RBPJ: variants seen among roughly 807,000 people sequenced by gnomAD.
The protein encoded by RBPJ is recombination signal binding protein for immunoglobulin kappa J region, also known as recombining binding protein suppressor of hairless.
Under a neutral mutation model 67.8 loss-of-function variants are expected in RBPJ, and 9 were observed. That is an observed-to-expected ratio of 0.13 (90% CI 0.08 to 0.23). The LOEUF (loss-of-function observed/expected upper bound fraction) is 0.23. Ranked by LOEUF, RBPJ falls within the 10% of genes least tolerant of loss-of-function variation. RBPJ has a pLI of 1.00. For missense variants in RBPJ, 305 were observed against 595.6 expected, an observed-to-expected ratio of 0.51 and a Z score of 5.08; for synonymous variants, 198 against 203.3, an observed-to-expected ratio of 0.97 and a Z score of 0.22.
At chr4:26,382,247 C>A (rs954395383) in intron 1 of RBPJ, among the ~76,000 whole-genome samples, 21 of 152,268 alleles carry the variant, frequency 1.4e-4, no homozygotes, top group African/African-American at 4.8e-4. Flanking sequence ...GATGGAGAGA[C>A]AGTATAATCA....
At chr4:26,390,916 C>T (rs943856653) in intron 2 of RBPJ, among the ~76,000 whole-genome samples, 6 of 152,086 alleles carry the variant, frequency 3.9e-5, no homozygotes, top group African/African-American at 1.4e-4. Context: ...ATTAGCTGGG[C>T]ATGTTGGCAC....
intron 1 of RBPJ, among the ~76,000 whole-genome samples, chr4:26,168,249 C>T (rs562343361): frequency 6.6e-6 from 1 of 152,158 alleles, no homozygotes; most frequent in South Asian, 2.1e-4. Flanking sequence ...CCTTCAGGAG[C>T]TCTTGTAGGG....
intron 1 of RBPJ, among the ~76,000 whole-genome samples, chr4:26,361,226 A>G (rs1452188692): frequency 6.6e-6 from 1 of 152,134 alleles, no homozygotes; most frequent in African/African-American, 2.4e-5. Context: ...TCTGTTCTTC[A>G]TTAGTTTCTT....
intron 1 of RBPJ, among the ~76,000 whole-genome samples, chr4:26,236,464 T>C (rs1280678901): frequency 6.6e-6 from 1 of 152,202 alleles, no homozygotes; most frequent in Non-Finnish European, 1.5e-5. Context: ...AGCTGGGGTC[T>C]GCATTCATCT....
chr4:26,432,517 G>A lies in RBPJ; in HGVS notation c.*1510G>A, dbSNP rs1302970970. On this transcript the variant is annotated 3_prime_UTR_variant, in exon 11 of 11. Transcript: ENST00000355476. The stretch of plus-strand genomic sequence containing the variant: ...TTGAGATTTGGTTGCATTCAGGGTT[G>A]TAGGTTGGCCTTGCTTGCTAACCCC... 1 of 152,122 alleles carries A rather than the reference G, an allele frequency of 6.6e-6. No individual in the cohort carries two copies. Among genetic ancestry groups the A allele is most frequent in the Non-Finnish European group, 1.5e-5 (1 of 68,028 alleles). The allele number at this position is 152,122 out of a possible 1,614,324, so 9.4% of individuals were successfully genotyped here.
In RBPJ at chr4:26,306,744, C is replaced by T. The variant is rs11937559; in HGVS notation, c.-166-55702C>T. On this transcript the variant is annotated intron_variant, in intron 1 of 4. Transcript: ENST00000512351. Reference sequence around the variant, plus strand: ...GATTACAGGCATGAGTCACTGTGCCCGGCTGAGAATTATTTTTTAATTAAT... The same window carrying T: ...GATTACAGGCATGAGTCACTGTGCCTGGCTGAGAATTATTTTTTAATTAAT... Among the ~76,000 whole-genome samples the T allele has an allele frequency of 7.4e-3, 1,126 of 151,972 alleles. 13 individuals are homozygous for T. Among genetic ancestry groups the T allele is most frequent in the African/African-American group, 0.025 (1,054 of 41,470 alleles).
At chr4:26,330,513 G>A (rs1724123810) in intron 1 of RBPJ, among the ~76,000 whole-genome samples, 1 of 152,168 alleles carries the variant, frequency 6.6e-6, no homozygotes, top group African/African-American at 2.4e-5. Flanking sequence ...ATTTTTTGAA[G>A]TGGAATATGA....
At chr4:26,339,190 G>A (rs558183860) in intron 1 of RBPJ, among the ~76,000 whole-genome samples, 14 of 152,220 alleles carry the variant, frequency 9.2e-5, no homozygotes, top group African/African-American at 1.4e-4. Flanking sequence ...TTACTTGAAC[G>A]TGGTGTTTAG....
intron 1 of RBPJ, among the ~76,000 whole-genome samples, chr4:26,165,793 G>GC (rs1461535812): frequency 1.3e-5 from 2 of 150,340 alleles, no homozygotes; most frequent in Non-Finnish European, 3.0e-5. Context: ...GTATACATGT[G>GC]CTATGCTGGT....
At chr4:26,369,999 G>A (rs1156799550) in intron 1 of RBPJ, among the ~76,000 whole-genome samples, 1 of 152,150 alleles carries the variant, frequency 6.6e-6, no homozygotes, top group African/African-American at 2.4e-5. Flanking sequence ...AACTGGGCAG[G>A]TCAAGTGAGA....
chr4:26,260,296 A>G (rs1193396879), intron 1 of RBPJ, among the ~76,000 whole-genome samples: 1 of 152,234 alleles, frequency 6.6e-6, no homozygotes, highest in Non-Finnish European at 1.5e-5. Context: ...TCAGGACAAA[A>G]GTTCTTGCTG....
At chr4:26,179,567 G>T (rs1346791858) in intron 1 of RBPJ, among the ~76,000 whole-genome samples, 1 of 152,072 alleles carries the variant, frequency 6.6e-6, no homozygotes, top group East Asian at 1.9e-4. Flanking sequence ...ATGAAAAAAT[G>T]CTCAGTATTA....
At chr4:26,337,009 T>C (rs1480025880) in intron 1 of RBPJ, among the ~76,000 whole-genome samples, 2 of 152,212 alleles carry the variant, frequency 1.3e-5, no homozygotes, top group African/African-American at 2.4e-5. Context: ...TGAGTGTCGC[T>C]CTGTCGCCCA....
chr4:26,429,588 T>C (rs1025733355), intron 8 of RBPJ, among the ~76,000 whole-genome samples: 5 of 152,378 alleles, frequency 3.3e-5, no homozygotes, highest in African/African-American at 1.2e-4. Flanking sequence ...ATCACAGATA[T>C]TGATCTGCTG....
intron 1 of RBPJ, among the ~76,000 whole-genome samples, chr4:26,251,139 C>T (rs761365152): frequency 6.6e-6 from 1 of 152,160 alleles, no homozygotes; most frequent in Non-Finnish European, 1.5e-5. Flanking sequence ...ATATTACCAA[C>T]CAATGTTGGT....
rs1560237777 is a variant in RBPJ at position 26,270,393 on chromosome 4, G to GAAAGAAAGAA, written c.-166-92051_-166-92042dup. On this transcript the variant is annotated intron_variant, in intron 1 of 4. Coordinates refer to the RBPJ transcript ENST00000512351. ...AGAAAGAAAGAAAGAAAGAAAGAAA[G>GAAAGAAAGAA]AAAGAAAGAAAGAAAGAAAGAAAGA... Among the ~76,000 whole-genome samples, 6 of 58,096 alleles carry GAAAGAAAGAA rather than the reference G, an allele frequency of 1.0e-4. 1 individual carries two copies. Among genetic ancestry groups the GAAAGAAAGAA allele is most frequent in the Non-Finnish European group, 2.4e-4 (6 of 25,232 alleles). The allele number at this position is 58,096 out of a possible 152,430, so 38.1% of individuals were successfully genotyped here.
intron 1 of RBPJ, among the ~76,000 whole-genome samples, chr4:26,273,394 G>T (rs1720974336): frequency 6.6e-6 from 1 of 152,244 alleles, no homozygotes; most frequent in South Asian, 2.1e-4. Flanking sequence ...CAAGCTCCCA[G>T]TTTTCCAAAG....
the RBPJ span, among the ~76,000 whole-genome samples, chr4:26,142,466 T>C: frequency 5.9e-5 from 9 of 152,190 alleles, no homozygotes; most frequent in African/African-American, 2.2e-4. Context: ...AGGTGGCGGC[T>C]TAACAGGATC....
upstream of RBPJ, among the ~76,000 whole-genome samples, chr4:26,315,340 G>A (rs952459788): frequency 1.3e-4 from 19 of 151,322 alleles, no homozygotes; most frequent in African/African-American, 4.6e-4. Flanking sequence ...GCCGCCGGGG[G>A]TGACATCACA....
Sources: allele counts gnomAD v4.1 joint callset (sites outside exome capture counted in the v4.1 genomes callset), GRCh38; gene constraint gnomAD v4.1.1; transcripts MANE v1.5; gene names NCBI Gene and HGNC (gene_info 2026-07-23, HGNC 2026-07-21).